Variants in ANKS1B observed in about 807,000 individuals in gnomAD.
The protein encoded by ANKS1B is ankyrin repeat and sterile alpha motif domain-containing protein 1B.
A neutral mutation model predicts 148.3 loss-of-function variants in ANKS1B; 36 were observed. The ratio of observed to expected loss-of-function variants is 0.24; its 90% CI spans 0.19 to 0.32. The LOEUF (loss-of-function observed/expected upper bound fraction) is 0.32, where lower values mean the gene tolerates loss of function less well. ANKS1B is among the 10% of genes least tolerant of loss of function. The pLI is 1.00. For synonymous variants in ANKS1B, 542 were observed against 560.8 expected, an observed-to-expected ratio of 0.97 and a Z score of 0.47; for missense variants, 1,157 against 1,542.6, an observed-to-expected ratio of 0.75 and a Z score of 4.19.
At chr12:99,539,794 C>T (rs1596595768) in intron 9 of ANKS1B, among the ~76,000 whole-genome samples, 3 of 152,022 alleles carry the variant, frequency 2.0e-5, no homozygotes, top group Admixed American at 2.0e-4. Context: ...GTTTCAAATT[C>T]CTGGCCTCAA....
At chr12:98,973,851 A>G (rs1040365212) in intron 17 of ANKS1B, among the ~76,000 whole-genome samples, 2 of 151,728 alleles carry the variant, frequency 1.3e-5, no homozygotes, top group African/African-American at 4.9e-5. Context: ...ATATATCTAT[A>G]GATACGTACC....
At chr12:99,066,818 AACATGGATCAGG>A (rs2044518753) in intron 16 of ANKS1B, among the ~76,000 whole-genome samples, 1 of 152,180 alleles carries the variant, frequency 6.6e-6, no homozygotes, top group South Asian at 2.1e-4. Flanking sequence ...CTTGTTCTCT[AACATGGATCAGG>A]AATCTGTCAG....
intron 1 of ANKS1B, among the ~76,000 whole-genome samples, chr12:99,930,429 T>G (rs1273518066): frequency 6.6e-6 from 1 of 152,228 alleles, no homozygotes; most frequent in Non-Finnish European, 1.5e-5. Context: ...AGATATACAA[T>G]CATGTCATCT....
intron 17 of ANKS1B, among the ~76,000 whole-genome samples, chr12:99,019,944 T>A (rs563495962): frequency 6.6e-6 from 1 of 152,314 alleles, no homozygotes; most frequent in African/African-American, 2.4e-5. Flanking sequence ...GTCATACTGT[T>A]GTGAAAAAGC....
intron 10 of ANKS1B, among the ~76,000 whole-genome samples, chr12:99,493,204 T>C (rs556729392): frequency 2.4e-4 from 37 of 152,322 alleles, no homozygotes; most frequent in African/African-American, 8.2e-4. Context: ...AATATTACAA[T>C]GTATAAGCAA....
chr12:99,877,226 C>T (rs964933614), intron 1 of ANKS1B, among the ~76,000 whole-genome samples: 7 of 152,054 alleles, frequency 4.6e-5, no homozygotes, highest in Non-Finnish European at 7.3e-5. Flanking sequence ...CTCTGTGATA[C>T]CTTTTCCTTT....
intron 17 of ANKS1B, among the ~76,000 whole-genome samples, chr12:98,833,157 A>G (rs2153698924): frequency 6.6e-6 from 1 of 152,216 alleles, no homozygotes; most frequent in South Asian, 2.1e-4. Context: ...CCGGTGCTTT[A>G]CCAGGGCCAC....
In ANKS1B at chr12:99,207,629, C is replaced by T. The variant is rs139987046; in HGVS notation, c.2419+36713G>A. 2.5e-3 allele frequency among the ~76,000 whole-genome samples: 386 copies of T among 152,050 alleles called. 2 individuals carry two copies. Among genetic ancestry groups the T allele is most frequent in the African/African-American group, 8.8e-3 (364 of 41,502 alleles). ...CAAAATTGCTTACTTCTTAAGATTC[C>T]ACTGGAAGTTAAACTTACTAAGGGT... On this transcript the variant is annotated intron_variant, in intron 14 of 26. Coordinates refer to ENST00000683438, the MANE Select transcript of ANKS1B (RefSeq NM_001352186.2).
chr12:98,868,447 T>C (rs1445052911), intron 17 of ANKS1B, among the ~76,000 whole-genome samples: 1 of 152,164 alleles, frequency 6.6e-6, no homozygotes, highest in Non-Finnish European at 1.5e-5. Flanking sequence ...AAAGAGATCT[T>C]AAAAAATAAA....
At chr12:99,353,112 C>T (rs1215026341) in intron 12 of ANKS1B, among the ~76,000 whole-genome samples, 2 of 151,964 alleles carry the variant, frequency 1.3e-5, no homozygotes, top group Non-Finnish European at 2.9e-5. Flanking sequence ...TTGCTTCTCC[C>T]CAGTATGAAT....
chr12:98,741,471 G>A (rs1017781846), downstream of ANKS1B, among the ~76,000 whole-genome samples: 1 of 152,134 alleles, frequency 6.6e-6, no homozygotes, highest in Non-Finnish European at 1.5e-5. Context: ...ACGATTTTGC[G>A]TGAAAATCCA....
intron 16 of ANKS1B, among the ~76,000 whole-genome samples, chr12:99,069,503 G>T (rs1054538628): frequency 6.6e-6 from 1 of 152,170 alleles, no homozygotes; most frequent in Non-Finnish European, 1.5e-5. Flanking sequence ...GGGGTTGAGG[G>T]TTAAAACTAA....
At chr12:99,068,293 TCAGA>T (rs747682214) in intron 16 of ANKS1B, among the ~76,000 whole-genome samples, 1 of 152,158 alleles carries the variant, frequency 6.6e-6, no homozygotes, top group Non-Finnish European at 1.5e-5. Context: ...TGTGCGAACA[TCAGA>T]CAGTGTACTT....
At chr12:99,301,867 G>A (rs552587994) in intron 12 of ANKS1B, among the ~76,000 whole-genome samples, 58 of 152,194 alleles carry the variant, frequency 3.8e-4, no homozygotes, top group African/African-American at 1.3e-3. Flanking sequence ...GAGAGATTGG[G>A]GTCAAATGAG....
chr12:99,242,606 C>G (rs2089546637), intron 14 of ANKS1B, among the ~76,000 whole-genome samples: 1 of 152,138 alleles, frequency 6.6e-6, no homozygotes, highest in African/African-American at 2.4e-5. Flanking sequence ...GCAAAAAGAA[C>G]AAACCAGGAG....
chr12:99,109,701 T>C (rs1414277897), intron 15 of ANKS1B, among the ~76,000 whole-genome samples: 1 of 152,168 alleles, frequency 6.6e-6, no homozygotes, highest in Non-Finnish European at 1.5e-5. Flanking sequence ...GTGACTAAGG[T>C]CACCTAGCTG....
chr12:99,434,858 C>A (rs980686498), intron 11 of ANKS1B, among the ~76,000 whole-genome samples: 3 of 151,908 alleles, frequency 2.0e-5, no homozygotes, highest in African/African-American at 7.3e-5. Context: ...GAATTTTATG[C>A]ATGTGGGAGA....
At chr12:99,502,320 G>A (rs1039231075) in intron 10 of ANKS1B, among the ~76,000 whole-genome samples, 3 of 152,094 alleles carry the variant, frequency 2.0e-5, no homozygotes, top group Non-Finnish European at 4.4e-5. Context: ...TCCATAGCCT[G>A]GGGTCAGCAT....
At chr12:99,883,162 A>G (rs945273352) in intron 1 of ANKS1B, among the ~76,000 whole-genome samples, 1 of 152,204 alleles carries the variant, frequency 6.6e-6, no homozygotes, top group Non-Finnish European at 1.5e-5. Flanking sequence ...TTTAACAGTT[A>G]AGAGCAAAAA....
Sources: gnomAD v4.1 joint callset for allele counts (sites outside exome capture counted in the v4.1 genomes callset) on GRCh38, gnomAD v4.1.1 for gene constraint, MANE v1.5 for transcripts, NCBI Gene and HGNC (gene_info 2026-07-23, HGNC 2026-07-21) for gene names.